RGS7: variants seen among roughly 807,000 people sequenced by gnomAD.
The protein encoded by RGS7 is regulator of G protein signaling 7, also known as regulator of G-protein signaling 7.
Under a neutral mutation model 81.1 loss-of-function variants are expected in RGS7, and 27 were observed. The observed-to-expected ratio is 0.33, with a 90% confidence interval of 0.25 to 0.46. The LOEUF (loss-of-function observed/expected upper bound fraction) is 0.46. RGS7 is among the 20% of genes least tolerant of loss of function. RGS7 has a pLI of 1.00. For synonymous variants in RGS7, 208 were observed against 207.7 expected, an observed-to-expected ratio of 1.00 and a Z score of -0.01; for missense variants, 396 against 607.4, an observed-to-expected ratio of 0.65 and a Z score of 3.66.
At chr1:241,000,600 A>C (rs1161970324) in intron 3 of RGS7, among the ~76,000 whole-genome samples, 1 of 151,998 alleles carries the variant, frequency 6.6e-6, no homozygotes, top group Non-Finnish European at 1.5e-5. Flanking sequence ...TATGTTAGCC[A>C]CTAGCCATAT....
intron 5 of RGS7, among the ~76,000 whole-genome samples, chr1:240,931,835 T>C (rs1175983981): frequency 6.6e-6 from 1 of 152,192 alleles, no homozygotes; most frequent in Non-Finnish European, 1.5e-5. Context: ...TTAACATTTA[T>C]ATTTTCTAAA....
At chr1:241,223,155 C>A (rs1304014627) in intron 2 of RGS7, among the ~76,000 whole-genome samples, 1 of 152,156 alleles carries the variant, frequency 6.6e-6, no homozygotes, top group East Asian at 1.9e-4. Context: ...AGAACCACTG[C>A]TTTAGAATGT....
chr1:240,912,724 C>A (rs1671974614), intron 6 of RGS7, among the ~76,000 whole-genome samples: 1 of 151,974 alleles, frequency 6.6e-6, no homozygotes, highest in East Asian at 1.9e-4. Context: ...CCAACACAAA[C>A]ACATAATTTT....
At chr1:240,946,054 T>C (rs1678550446) in intron 4 of RGS7, among the ~76,000 whole-genome samples, 1 of 152,176 alleles carries the variant, frequency 6.6e-6, no homozygotes, top group African/African-American at 2.4e-5. Flanking sequence ...ATTTTTTCTG[T>C]TTGCTGTTTT....
At chr1:241,139,865 CT>C (rs1430480519) in intron 2 of RGS7, among the ~76,000 whole-genome samples, 4 of 152,202 alleles carry the variant, frequency 2.6e-5, no homozygotes, top group Non-Finnish European at 5.9e-5. Flanking sequence ...AAATCCCCAA[CT>C]TAGAAAAAAA....
intron 2 of RGS7, among the ~76,000 whole-genome samples, chr1:241,113,064 T>C (rs1284461475): frequency 3.9e-5 from 6 of 152,162 alleles, no homozygotes; most frequent in Admixed American, 3.9e-4. Context: ...GACGAATTCA[T>C]ACAAAATCCC....
At chr1:241,217,720 C>T (rs771925351) in intron 2 of RGS7, among the ~76,000 whole-genome samples, 1 of 152,218 alleles carries the variant, frequency 6.6e-6, no homozygotes, top group African/African-American at 2.4e-5. Context: ...GCACCAATTA[C>T]TCATTTAACT....
intron 4 of RGS7, among the ~76,000 whole-genome samples, chr1:240,955,222 A>G (rs1461734041): frequency 6.6e-6 from 1 of 152,204 alleles, no homozygotes; most frequent in African/African-American, 2.4e-5. Flanking sequence ...TTTTAAAGAT[A>G]CTGAAAAAAT....
chr1:241,018,207 C>A (rs1321463519), intron 3 of RGS7, among the ~76,000 whole-genome samples: 1 of 140,878 alleles, frequency 7.1e-6, no homozygotes, highest in African/African-American at 2.7e-5. Context: ...TGGTCTCAAA[C>A]TCCTGACTCA....
At chr1:241,251,801 C>G (rs1412903177) in intron 2 of RGS7, among the ~76,000 whole-genome samples, 1 of 152,060 alleles carries the variant, frequency 6.6e-6, no homozygotes, top group Admixed American at 6.6e-5. Flanking sequence ...TGAGCCACCA[C>G]GCCTGGCTGG....
rs548851359 is a variant in RGS7 at position 240,888,125 on chromosome 1, AG to A, written c.386-18007del. ...AAGCAAAAAATGTCTTGGACAGGGC[AG>A]AAAAGACAGCACTGCAGTTGCACCC... On this transcript the variant is annotated intron_variant, in intron 6 of 18. Coordinates refer to ENST00000440928, the MANE Select transcript of RGS7 (RefSeq NM_001364886.1). Among the ~76,000 whole-genome samples the A allele has an allele frequency of 1.7e-3, 260 of 152,330 alleles. 1 individual carries two copies. The highest frequency in any genetic ancestry group is 5.8e-3 in the African/African-American group (243 of 41,568).
intron 4 of RGS7, among the ~76,000 whole-genome samples, chr1:240,973,048 TAA>T (rs572191626): frequency 1.3e-4 from 18 of 136,342 alleles, no homozygotes; most frequent in African/African-American, 1.3e-4. Flanking sequence ...AGACTCCAAT[TAA>T]AAAAAAAAAA....
At chr1:240,939,294 T>C (rs866589063) in intron 4 of RGS7, among the ~76,000 whole-genome samples, 8 of 152,230 alleles carry the variant, frequency 5.3e-5, no homozygotes, top group Non-Finnish European at 1.2e-4. Flanking sequence ...GTGATAGATA[T>C]GTTAATTATT....
chr1:241,249,567 T>A (rs373734201), intron 2 of RGS7, among the ~76,000 whole-genome samples: 1 of 152,216 alleles, frequency 6.6e-6, no homozygotes, highest in Non-Finnish European at 1.5e-5. Context: ...TTCATTTCCA[T>A]ATAAATTTTA....
chr1:241,191,498 T>G (rs939963396), intron 2 of RGS7, among the ~76,000 whole-genome samples: 1 of 152,220 alleles, frequency 6.6e-6, no homozygotes, highest in Non-Finnish European at 1.5e-5. Context: ...TATATGTTGC[T>G]GAATTCTATG....
chr1:241,351,423 T>TTA (rs1553328853), intron 2 of RGS7, among the ~76,000 whole-genome samples: 4 of 145,908 alleles, frequency 2.7e-5, no homozygotes, highest in African/African-American at 1.0e-4. Context: ...TGACTTTATT[T>TTA]AAAAAAAAAA....
chr1:241,143,475 C>G (rs1572872757), intron 2 of RGS7, among the ~76,000 whole-genome samples: 1 of 152,048 alleles, frequency 6.6e-6, no homozygotes, highest in South Asian at 2.1e-4. Context: ...TGGTGGCAGG[C>G]AAAAAGAGAG....
At chr1:241,306,450 A>G (rs937668960) in intron 2 of RGS7, among the ~76,000 whole-genome samples, 5 of 146,928 alleles carry the variant, frequency 3.4e-5, no homozygotes, top group African/African-American at 1.0e-4. Flanking sequence ...ACCCCCACAC[A>G]GGCACATATG....
intron 9 of RGS7, among the ~76,000 whole-genome samples, chr1:240,853,712 C>A (rs1377461370): frequency 6.6e-6 from 1 of 151,880 alleles, no homozygotes; most frequent in African/African-American, 2.4e-5. Flanking sequence ...ACCATACGGG[C>A]TAACACGGTG....
Sources: allele counts gnomAD v4.1 joint callset (sites outside exome capture counted in the v4.1 genomes callset), GRCh38; gene constraint gnomAD v4.1.1; transcripts MANE v1.5; gene names NCBI Gene and HGNC (gene_info 2026-07-23, HGNC 2026-07-21).